The following DNAH5 variants were observed in gnomAD, a reference collection of about 807,000 sequenced individuals.
DNAH5 encodes the protein dynein axonemal heavy chain 5, also known as axonemal beta dynein heavy chain 5.
In DNAH5, 372 loss-of-function variants were observed where a neutral mutation model predicts 518.2. That is an observed-to-expected ratio of 0.72 (90% CI 0.66 to 0.78). DNAH5 has a LOEUF of 0.78. Ranked by LOEUF, DNAH5 falls within the 30% of genes least tolerant of loss-of-function variation. DNAH5 has a pLI of 0.00. For synonymous variants in DNAH5, 2,039 were observed against 2,025.9 expected (o/e 1.01, Z -0.17); for missense variants, 5,523 against 5,687.0 (o/e 0.97, Z 0.93).
chr5:13,750,939 A>T, intron 65 of DNAH5, 139 bp downstream of exon 65: 1 of 949,680 alleles, frequency 1.1e-6, no homozygotes, highest in South Asian at 1.6e-5. Flanking sequence ...AAAAGAAAAC[A>T]CTTGGAGATT....
intron 24 of DNAH5, among the ~76,000 whole-genome samples, chr5:13,868,999 C>G (rs1769688544): frequency 6.6e-6 from 1 of 152,028 alleles, no homozygotes; most frequent in Non-Finnish European, 1.5e-5. Flanking sequence ...GTTCTTAATT[C>G]CTAGGTGGGA....
intron 1 of DNAH5, among the ~76,000 whole-genome samples, chr5:13,939,677 A>G (rs569867488): frequency 6.6e-6 from 1 of 152,188 alleles, no homozygotes; most frequent in African/African-American, 2.4e-5. Flanking sequence ...ATTGGCTGGG[A>G]GAACCACAAT....
In DNAH5 at chr5:13,769,540, T is replaced by C. The variant is rs138639741; in HGVS notation, c.9681A>G (p.Lys3227=). Residue 3227 remains lysine, a synonymous_variant, in exon 57 of 79, where the codon AAA becomes AAG. Transcript: ENST00000265104. ...VAALSKELEA[K]EKELQVANDK... Reference sequence around the variant, plus strand: ...CGTTGGCCACTTGTAGCTCCTTTTCTTTCGCTTCCAGTTCTTTACTCAAGG... The same window carrying C: ...CGTTGGCCACTTGTAGCTCCTTTTCCTTCGCTTCCAGTTCTTTACTCAAGG... The C allele has an allele frequency of 4.8e-4, 780 of 1,614,106 alleles. 6 individuals carry two copies. In the African/African-American group the frequency reaches 9.0e-3, roughly 19 times the overall value.
chr5:13,778,914 C>G (rs1754667745), intron 53 of DNAH5, among the ~76,000 whole-genome samples: 1 of 152,192 alleles, frequency 6.6e-6, no homozygotes, highest in African/African-American at 2.4e-5. Context: ...AACTAGTCTG[C>G]CACAGTGAGA....
At chr5:13,927,259 C>G in intron 3 of DNAH5, among the ~76,000 whole-genome samples, 1 of 152,166 alleles carries the variant, frequency 6.6e-6, no homozygotes, top group South Asian at 2.1e-4. Context: ...TTTGGGAGGC[C>G]GAGGTGGGTG....
chr5:13,706,745 A>C (rs552051922), intron 76 of DNAH5, among the ~76,000 whole-genome samples: 171 of 152,334 alleles, frequency 1.1e-3, no homozygotes, highest in Non-Finnish European at 2.2e-3. Flanking sequence ...TTATTCCTTA[A>C]AACCGTATCT....
chr5:14,011,663 G>A (rs888279613), exon 1 of DNAH5, among the ~76,000 whole-genome samples: 17 of 152,086 alleles, frequency 1.1e-4, no homozygotes, highest in African/African-American at 3.9e-4. Flanking sequence ...TGTCCATGGC[G>A]CTGTGCTGCG....
At chr5:13,909,645 C>A (rs181268872) in intron 12 of DNAH5, among the ~76,000 whole-genome samples, 6 of 152,260 alleles carry the variant, frequency 3.9e-5, no homozygotes, top group Admixed American at 3.3e-4. Context: ...ATTTTTGAAT[C>A]CTCACTTTTT....
chr5:13,848,505 C>G (rs1364955022), intron 31 of DNAH5, among the ~76,000 whole-genome samples: 1 of 152,120 alleles, frequency 6.6e-6, no homozygotes, highest in Non-Finnish European at 1.5e-5. Context: ...TATTATTGTG[C>G]ACTTATATTT....
At chr5:13,847,768 A>G (rs1766224413) in intron 31 of DNAH5, among the ~76,000 whole-genome samples, 1 of 150,100 alleles carries the variant, frequency 6.7e-6, no homozygotes, top group African/African-American at 2.5e-5. Context: ...GGGATTTCGC[A>G]TGTGTGTGTG....
chr5:14,000,151 C>A (rs1784249411), intron 1 of DNAH5, among the ~76,000 whole-genome samples: 1 of 152,262 alleles, frequency 6.6e-6, no homozygotes, highest in South Asian at 2.1e-4. Context: ...GATGAGGTCA[C>A]TAGGGTGGGC....
intron 17 of DNAH5, 57 bp downstream of exon 17, chr5:13,890,919 T>A (rs1322045890): frequency 1.4e-5 from 23 of 1,604,968 alleles, no homozygotes; most frequent in Non-Finnish European, 1.9e-5. Context: ...AAAGTGACCT[T>A]TATAGGAAAA....
Position 13,754,288 on chromosome 5 carries a change from G to A in DNAH5, c.10470C>T (p.Ser3490=), listed in dbSNP as rs1750680564. The change falls in exon 62 of 79, where the codon TCC becomes TCT. Residue 3490 remains serine, a synonymous_variant. Coordinates refer to ENST00000265104, the MANE Select transcript of DNAH5 (RefSeq NM_001369.3). ...CACCTGCCAAGCCACTGATGAGCGT[G>A]GAAGCTGTCTGCATCTTGTGTCTGC... ...ERCRHKMQTA[S]TLISGLAGEK... 6.8e-6 allele frequency: 11 copies of A among 1,614,068 alleles called. No individual in the cohort carries two copies. Among genetic ancestry groups the A allele is most frequent in the Middle Eastern group, 1.6e-4 (1 of 6,062 alleles).
intron 47 of DNAH5, among the ~76,000 whole-genome samples, chr5:13,799,870 G>A (rs1758465315): frequency 6.6e-6 from 1 of 151,990 alleles, no homozygotes; most frequent in Non-Finnish European, 1.5e-5. Flanking sequence ...AGTTATATAT[G>A]CTATGTATGT....
chr5:13,865,541 T>C (rs540290809), intron 27 of DNAH5, 127 bp downstream of exon 27: 16 of 754,718 alleles, frequency 2.1e-5, no homozygotes, highest in East Asian at 9.9e-5. Context: ...GTGATGTCAA[T>C]GGACAAGAAC....
intron 34 of DNAH5, 96 bp from the exon 35 acceptor site, chr5:13,839,624 T>G (rs918338368): frequency 8.8e-7 from 1 of 1,138,602 alleles, no homozygotes; most frequent in Admixed American, 1.8e-5. Flanking sequence ...GTGAAATAAA[T>G]GAAACTCACA....
At chr5:13,976,386 C>T (rs151121145) in intron 1 of DNAH5, among the ~76,000 whole-genome samples, 1 of 152,254 alleles carries the variant, frequency 6.6e-6, no homozygotes, top group African/African-American at 2.4e-5. Context: ...CACTCACACT[C>T]GTGCTGTGTC....
At chr5:13,786,446 T>A in intron 51 of DNAH5, 95 bp from the exon 52 acceptor site, 1 of 1,229,802 alleles carries the variant, frequency 8.1e-7, no homozygotes, top group Non-Finnish European at 1.2e-6. Flanking sequence ...AACCTAACAC[T>A]GAATAACATT....
At chr5:14,009,541 T>G (rs1784972569) in intron 1 of DNAH5, among the ~76,000 whole-genome samples, 1 of 152,250 alleles carries the variant, frequency 6.6e-6, no homozygotes, top group Non-Finnish European at 1.5e-5. Context: ...ATTTGCAGAA[T>G]GCATAATCAA....
Sources: allele counts gnomAD v4.1 joint callset (sites outside exome capture counted in the v4.1 genomes callset), GRCh38; gene constraint gnomAD v4.1.1; transcripts MANE v1.5; gene names NCBI Gene and HGNC (gene_info 2026-07-23, HGNC 2026-07-21).